Variants in EFCAB10 observed in about 807,000 individuals in gnomAD.
The protein encoded by EFCAB10 is EF-hand calcium-binding domain-containing protein 10.
In EFCAB10, 7 loss-of-function variants were observed where a neutral mutation model predicts 7.7. The observed-to-expected ratio is 0.91, with a 90% CI of 0.52 to 1.72. EFCAB10 has a LOEUF of 1.72. EFCAB10 is among the 40% of genes most tolerant of loss of function. The pLI is 0.00. For synonymous variants in EFCAB10, 52 were observed against 21.0 expected (o/e 2.47, Z -4.03); for missense variants, 112 against 61.5 (o/e 1.82, Z -2.74).
intron 3 of EFCAB10, 24 bp from the exon 4 acceptor site, chr7:105,567,514 G>C: frequency 1.4e-6 from 1 of 691,136 alleles, no homozygotes; most frequent in Non-Finnish European, 2.6e-6. Context: ...AACAGAAAAC[G>C]AAACAATGAA....
intron 1 of EFCAB10, among the ~76,000 whole-genome samples, chr7:105,580,778 C>T (rs1792210190): frequency 6.6e-6 from 1 of 152,050 alleles, no homozygotes; most frequent in Admixed American, 6.6e-5. Flanking sequence ...ACCATTTTCA[C>T]CTAAATATAA....
chr7:105,576,114 C>G (rs1285766047), intron 1 of EFCAB10, among the ~76,000 whole-genome samples: 1 of 152,144 alleles, frequency 6.6e-6, no homozygotes, highest in African/African-American at 2.4e-5. Context: ...TCAATCATAC[C>G]TTGGTGAGTA....
intron 1 of EFCAB10, chr7:105,571,080 A>C (rs1259692067): frequency 6.6e-6 from 1 of 152,180 alleles, no homozygotes; most frequent in Admixed American, 6.5e-5. Flanking sequence ...CATGTTTATA[A>C]AAGTAGACAG....
At chr7:105,575,048 G>A (rs1792041788) in intron 1 of EFCAB10, among the ~76,000 whole-genome samples, 1 of 151,578 alleles carries the variant, frequency 6.6e-6, no homozygotes, top group African/African-American at 2.4e-5. Flanking sequence ...CCAGGAGGTG[G>A]GGGTTGCGGT....
chr7:105,581,196 T>G (rs1235742278), intron 1 of EFCAB10, among the ~76,000 whole-genome samples, 162 bp downstream of exon 1: 1 of 152,198 alleles, frequency 6.6e-6, no homozygotes, highest in Non-Finnish European at 1.5e-5. Flanking sequence ...GCCATTGTAC[T>G]GCAGCCTGAG....
At chr7:105,571,140 A>T (rs913144670) in intron 1 of EFCAB10, 1 of 152,232 alleles carries the variant, frequency 6.6e-6, no homozygotes, top group African/African-American at 2.4e-5. Flanking sequence ...ATTTGTGGCC[A>T]ATTTCACTAC....
chr7:105,580,941 C>T (rs1792216492), intron 1 of EFCAB10, among the ~76,000 whole-genome samples: 1 of 152,158 alleles, frequency 6.6e-6, no homozygotes, highest in South Asian at 2.1e-4. Context: ...AAACTTTGGC[C>T]GTGCGCGGTG....
At chr7:105,574,581 T>G (rs1792029411) in intron 1 of EFCAB10, among the ~76,000 whole-genome samples, 1 of 151,774 alleles carries the variant, frequency 6.6e-6, no homozygotes, top group African/African-American at 2.4e-5. Context: ...ACCTCCCAGG[T>G]TCATGCCATT....
At chr7:105,568,179 G>T (rs1791840977) in intron 3 of EFCAB10, among the ~76,000 whole-genome samples, 1 of 152,134 alleles carries the variant, frequency 6.6e-6, no homozygotes, top group Non-Finnish European at 1.5e-5. Flanking sequence ...ATGTGGTAGG[G>T]AATGTAATTA....
intron 1 of EFCAB10, among the ~76,000 whole-genome samples, chr7:105,580,249 G>C (rs1792189702): frequency 6.6e-6 from 1 of 152,050 alleles, no homozygotes; most frequent in Admixed American, 6.6e-5. Context: ...CAGCCTCCCA[G>C]AGCGTTGGTA....
intron 4 of EFCAB10, among the ~76,000 whole-genome samples, chr7:105,566,008 G>A (rs1301083831): frequency 4.6e-5 from 7 of 152,108 alleles, no homozygotes; most frequent in African/African-American, 1.2e-4. Flanking sequence ...GGTGGCTCAC[G>A]CCTGTAATCC....
Position 105,565,381 on chromosome 7 carries a change from A to C in EFCAB10, c.*66T>G. On this transcript the variant is annotated 3_prime_UTR_variant, in exon 5 of 5. Coordinates refer to ENST00000480514, the MANE Select transcript of EFCAB10 (RefSeq NM_001355526.2). Reference sequence around the variant, plus strand: ...CGAGACCATTTACTTCAGTTGGAGCAGCAGCTTTGTTTCTCCTTATTTAAA... The same window carrying C: ...CGAGACCATTTACTTCAGTTGGAGCCGCAGCTTTGTTTCTCCTTATTTAAA... The C allele has an allele frequency of 6.2e-7, 1 of 1,614,216 alleles. No homozygotes were observed. Among genetic ancestry groups the C allele is most frequent in the Non-Finnish European group, 8.5e-7 (1 of 1,180,042 alleles).
chr7:105,575,818 G>A (rs1015290498), intron 1 of EFCAB10, among the ~76,000 whole-genome samples: 2 of 152,006 alleles, frequency 1.3e-5, no homozygotes, highest in Non-Finnish European at 2.9e-5. Flanking sequence ...TGGGAGGATC[G>A]CCTGAGGTTG....
rs768162558 is a variant in EFCAB10, at chr7:105,567,146, T to C, written c.383+321A>G. 13 of 1,581,018 alleles carry C rather than the reference T, an allele frequency of 8.2e-6. No homozygotes were observed. The highest frequency in any genetic ancestry group is 1.1e-5 in the Non-Finnish European group (13 of 1,168,382). The stretch of plus-strand genomic sequence containing the variant: ...TAAAAGAAGCCTGTATTGTTTTGAA[T>C]TTGAACGTCGGTTCTGCACTACTGC... On this transcript the variant is annotated intron_variant, in intron 4 of 4. Coordinates refer to ENST00000480514, the MANE Select transcript of EFCAB10 (RefSeq NM_001355526.2).
chr7:105,566,007 C>T (rs147704512), intron 4 of EFCAB10, among the ~76,000 whole-genome samples: 3,084 of 152,244 alleles, frequency 0.02, 49 homozygotes, highest in Non-Finnish European at 0.034. Flanking sequence ...TGGTGGCTCA[C>T]GCCTGTAATC....
chr7:105,570,268 T>TATATATATATATATATACACAC (rs1188257284), intron 1 of EFCAB10, among the ~76,000 whole-genome samples: 2 of 66,432 alleles, frequency 3.0e-5, no homozygotes, highest in Non-Finnish European at 2.7e-5. Context: ...TATATATATA[T>TATATATATATATATATACACAC]ACACACACAC....
chr7:105,573,280 G>C (rs1371986068), intron 1 of EFCAB10: 1 of 152,160 alleles, frequency 6.6e-6, no homozygotes, highest in African/African-American at 2.4e-5. Context: ...GTCACATTTT[G>C]TATGAGGTCT....
At chr7:105,574,934 TAAA>T (rs1209254689) in intron 1 of EFCAB10, among the ~76,000 whole-genome samples, 17 of 103,554 alleles carry the variant, frequency 1.6e-4, no homozygotes, top group Non-Finnish European at 4.1e-5. Flanking sequence ...TATCCCTACT[TAAA>T]AAAAAAAAAA....
At position 105,576,141 on chromosome 7, in the gene EFCAB10, T is replaced by C. The variant is rs78248727; in HGVS notation, c.106+5217A>G. Among the ~76,000 whole-genome samples, 1,277 of 152,308 alleles carry C rather than the reference T, an allele frequency of 8.4e-3. 13 individuals carry two copies. The highest frequency in any genetic ancestry group is 0.03 in the African/African-American group (1,230 of 41,570). ...TGGTGAGTAATATAAAACATTTATA[T>C]TAAGAAATAGGTATAGCTACGAAAG... On this transcript the variant is annotated intron_variant, in intron 1 of 4. Transcript: ENST00000480514.
Sources: allele counts gnomAD v4.1 joint callset (sites outside exome capture counted in the v4.1 genomes callset), GRCh38; gene constraint gnomAD v4.1.1; transcripts MANE v1.5; gene names NCBI Gene and HGNC (gene_info 2026-07-23, HGNC 2026-07-21).